Variants in ZNF69 observed in about 807,000 individuals in gnomAD.
ZNF69 encodes the protein zinc finger protein 69.
ZNF69 carries 47 observed loss-of-function variants against 50.9 expected under a neutral mutation model. That is an observed-to-expected ratio of 0.92 (90% CI 0.73 to 1.18). The LOEUF (loss-of-function observed/expected upper bound fraction) is 1.18. Among genes scored for constraint, ZNF69 ranks in the 50% most tolerant of loss-of-function variants. The pLI is 0.00. For missense variants in ZNF69, 717 were observed against 675.1 expected, an observed-to-expected ratio of 1.06 and a Z score of -0.69; for synonymous variants, 216 against 223.1, an observed-to-expected ratio of 0.97 and a Z score of 0.29.
At chr19:11,948,404 A>G in the ZNF69 span, 1 of 1,614,130 alleles carries the variant, frequency 6.2e-7, no homozygotes, top group Non-Finnish European at 8.5e-7. Flanking sequence ...AAATCATGTG[A>G]CAGCTTTGTG....
the ZNF69 span, among the ~76,000 whole-genome samples, chr19:11,954,631 G>A: frequency 6.6e-6 from 1 of 152,098 alleles, no homozygotes; most frequent in African/African-American, 2.4e-5. Context: ...AGGAGCTCAA[G>A]ACCAGCCACA....
downstream of ZNF69, among the ~76,000 whole-genome samples, chr19:11,909,118 C>G (rs574693978): frequency 9.9e-5 from 15 of 152,162 alleles, no homozygotes; most frequent in Admixed American, 3.3e-4. Context: ...CAAGACTAAA[C>G]CAGGAAGAAG....
Position 11,887,855 on chromosome 19 carries a change from C to A in ZNF69, c.-69C>A. 6.9e-7 allele frequency: 1 copy of A among 1,447,424 alleles called. No homozygotes were observed. The allele number at this position is 1,447,424 out of a possible 1,614,324, so 89.7% of individuals were successfully genotyped here. On this transcript the variant is annotated 5_prime_UTR_variant, in exon 1 of 4. Coordinates refer to ENST00000429654, the MANE Select transcript of ZNF69 (RefSeq NM_001364730.1). ...TCCCTGCGCGGGCTGCGGCTGGGAT[C>A]CGGTCTTTCCAGCCCCGAGAGGGAC... is the stretch of plus-strand genomic sequence containing the variant.
chr19:11,923,545 A>G, the ZNF69 span, among the ~76,000 whole-genome samples: 1 of 151,854 alleles, frequency 6.6e-6, no homozygotes, highest in African/African-American at 2.4e-5. Flanking sequence ...CCACCTATCC[A>G]CATCCATCTC....
At chr19:11,963,704 G>A in the ZNF69 span, among the ~76,000 whole-genome samples, 2 of 152,060 alleles carry the variant, frequency 1.3e-5, no homozygotes, top group South Asian at 2.1e-4. Context: ...GAAACCGCCC[G>A]ACTCTCTTCT....
chr19:11,975,604 G>A, the ZNF69 span, among the ~76,000 whole-genome samples: 6 of 149,822 alleles, frequency 4.0e-5, no homozygotes, highest in Non-Finnish European at 5.9e-5. Context: ...TCACTGTGTC[G>A]ATCTCCTGAC....
At chr19:11,925,937 A>G in the ZNF69 span, among the ~76,000 whole-genome samples, 3 of 152,292 alleles carry the variant, frequency 2.0e-5, no homozygotes, top group South Asian at 2.1e-4. Context: ...GAAAATGATG[A>G]ATCAGTGCCT....
the ZNF69 span, among the ~76,000 whole-genome samples, chr19:11,935,807 A>G: frequency 5.8e-4 from 89 of 152,296 alleles, no homozygotes; most frequent in Non-Finnish European, 1.0e-3. Context: ...TGTTGCACCC[A>G]TCAACTTGTC....
chr19:11,906,248 A>T lies in ZNF69; in HGVS notation c.*150A>T, dbSNP rs1972372473. 2 of 1,495,114 alleles carry T rather than the reference A, an allele frequency of 1.3e-6. No homozygotes were observed. Among genetic ancestry groups the T allele is most frequent in the Non-Finnish European group, 8.8e-7 (1 of 1,130,102 alleles). The allele number at this position is 1,495,114 out of a possible 1,614,324, so 92.6% of individuals were successfully genotyped here. ...AGGACACAAGCACACATAAGAATGC[A>T]TTCTGGATAGCTGAACAAAAGGCAG... is the stretch of plus-strand genomic sequence containing the variant. On this transcript the variant is annotated 3_prime_UTR_variant, in exon 4 of 4. Transcript: ENST00000429654.
At chr19:11,950,970 G>T in the ZNF69 span, among the ~76,000 whole-genome samples, 1 of 151,854 alleles carries the variant, frequency 6.6e-6, no homozygotes, top group South Asian at 2.1e-4. Context: ...GACCAACGTG[G>T]TGAAACCCTG....
At chr19:11,979,702 G>A in the ZNF69 span, 120 of 1,600,650 alleles carry the variant, frequency 7.5e-5, no homozygotes, top group African/African-American at 1.5e-3. Flanking sequence ...ACCCTGAAGA[G>A]AAGCCCTACG....
intron 1 of ZNF69, among the ~76,000 whole-genome samples, chr19:11,900,473 C>G (rs1040301223): frequency 3.2e-4 from 48 of 151,986 alleles, no homozygotes; most frequent in African/African-American, 1.1e-3. Context: ...CTGCCTCAGC[C>G]TCCTGAGTAA....
the ZNF69 span, among the ~76,000 whole-genome samples, chr19:11,943,461 C>A: frequency 6.6e-6 from 1 of 152,156 alleles, no homozygotes; most frequent in African/African-American, 2.4e-5. Context: ...ACCATATGAT[C>A]CGGTTGAGCA....
At chr19:11,888,018 G>T (rs1218236860) in intron 1 of ZNF69, 32 bp downstream of exon 1, 2 of 1,605,934 alleles carry the variant, frequency 1.2e-6, no homozygotes, top group South Asian at 1.1e-5. Context: ...TCGTGAGACG[G>T]GGGAGGGGCT....
the ZNF69 span, among the ~76,000 whole-genome samples, chr19:11,964,303 G>A: frequency 6.6e-6 from 1 of 152,180 alleles, no homozygotes. Context: ...TGTACCTCTG[G>A]AGCCTGGGGC....
chr19:11,954,055 A>G, the ZNF69 span, among the ~76,000 whole-genome samples: 1 of 152,212 alleles, frequency 6.6e-6, no homozygotes, highest in Non-Finnish European at 1.5e-5. Flanking sequence ...GTGAAAAAAC[A>G]GGAAAAAAAT....
rs200815985 is a variant in ZNF69 at position 11,903,911 on chromosome 19, G to A, written c.197G>A (p.Ser66Asn). 3.4e-5 allele frequency: 55 copies of A among 1,613,602 alleles called. No homozygotes were observed. The highest frequency in any genetic ancestry group is 5.0e-5 in the Admixed American group (3 of 59,916). Residue 66 changes from serine to asparagine, a missense_variant, in exon 3 of 4, where the codon AGT (serine) becomes AAT (asparagine). Coordinates refer to ENST00000429654, the MANE Select transcript of ZNF69 (RefSeq NM_001364730.1). ...TFRNLTSVGKSWKDQNIEYEY... is the reference protein window; with the variant it reads ...TFRNLTSVGKNWKDQNIEYEY... ...TTCTGTGTCTATATTTTAGGAAAAA[G>A]TTGGAAAGACCAGAACATTGAATAT...
At chr19:11,892,235 C>T (rs933543233) in intron 1 of ZNF69, among the ~76,000 whole-genome samples, 6 of 151,518 alleles carry the variant, frequency 4.0e-5, no homozygotes, top group Non-Finnish European at 5.9e-5. Context: ...CTTCCTTGGC[C>T]TCCAAAAGTG....
chr19:11,972,109 C>T, the ZNF69 span, among the ~76,000 whole-genome samples: 3 of 150,466 alleles, frequency 2.0e-5, no homozygotes, highest in Non-Finnish European at 4.4e-5. Flanking sequence ...GCCTGGGTAA[C>T]GTGGCAAACT....
Sources: gnomAD v4.1 joint callset for allele counts (sites outside exome capture counted in the v4.1 genomes callset) on GRCh38, gnomAD v4.1.1 for gene constraint, MANE v1.5 for transcripts, NCBI Gene and HGNC (gene_info 2026-07-23, HGNC 2026-07-21) for gene names.